PLCH2: variants seen among roughly 807,000 people sequenced by gnomAD.
PLCH2 encodes phospholipase C eta 2, also known as 1-phosphatidylinositol 4,5-bisphosphate phosphodiesterase eta-2.
Under a neutral mutation model 134.7 loss-of-function variants are expected in PLCH2, and 98 were observed. The ratio of observed to expected loss-of-function variants is 0.73; its 90% CI spans 0.62 to 0.86. The LOEUF (loss-of-function observed/expected upper bound fraction) is 0.86, where lower values mean the gene tolerates loss of function less well. Ranked by LOEUF, PLCH2 falls within the 40% of genes least tolerant of loss-of-function variation. The pLI, the probability that PLCH2 is intolerant of heterozygous loss-of-function variation, is 0.00. For missense variants in PLCH2, 1,994 were observed against 1,986.6 expected (o/e 1.00, Z -0.07); for synonymous variants, 974 against 827.5 (o/e 1.18, Z -3.04).
intron 11 of PLCH2, chr1:2,492,570 TC>T (rs1289813291): frequency 6.6e-6 from 1 of 151,848 alleles, no homozygotes; most frequent in Non-Finnish European, 1.5e-5. Context: ...GGAGCGGGAA[TC>T]CCCCCTGATG....
Position 2,504,161 on chromosome 1 carries a change from G to A in PLCH2, c.3199G>A (p.Ala1067Thr). ...GTGCAACGGCGAGGGCGCCGGCGGG[G>A]CATACGAGAGGGCCCCCGGCAGCCA... is the stretch of plus-strand genomic sequence containing the variant. Reference protein sequence around the residue: ...RPCNGEGAGGAYERAPGSQTD... With the variant: ...RPCNGEGAGGTYERAPGSQTD... Residue 1067 changes from alanine to threonine, a missense_variant, in exon 22 of 22, where the codon GCA (alanine) becomes ACA (threonine). Ala to Thr is a moderately conservative substitution (Grantham distance 58, BLOSUM62 0). This residue lies in a region of PLCH2 where 900 missense variants were observed against 752.3 expected (regional missense o/e 1.20). Coordinates refer to ENST00000378486, the MANE Select transcript of PLCH2 (RefSeq NM_014638.4). The A allele has an allele frequency of 6.5e-7, 1 of 1,528,120 alleles. No individual in the cohort carries two copies. The highest frequency in any genetic ancestry group is 2.4e-5 in the East Asian group (1 of 40,838). 94.7% of individuals were successfully genotyped at this position (1,528,120 alleles called of 1,614,324 possible).
At chr1:2,486,046 C>T (rs1642268361) in intron 5 of PLCH2, among the ~76,000 whole-genome samples, 1 of 152,176 alleles carries the variant, frequency 6.6e-6, no homozygotes, top group South Asian at 2.1e-4. Flanking sequence ...GTCTCGGATG[C>T]CCTGTGCCCT....
chr1:2,495,388 TG>T lies in PLCH2; in HGVS notation c.1753-96del, dbSNP rs2100713278. 7 of 997,038 alleles carry T rather than the reference TG, an allele frequency of 7.0e-6. No individual in the cohort carries two copies. The East Asian group carries it at 8.1e-5, about 12-fold the overall frequency. The allele number at this position is 997,038 out of a possible 1,614,324, so 61.8% of individuals were successfully genotyped here. On this transcript the variant is annotated intron_variant, in intron 12 of 21. Coordinates refer to ENST00000378486, the MANE Select transcript of PLCH2 (RefSeq NM_014638.4). ...GGACATGGGAGGCTGCGTGGGCCGC[TG>T]GGGACCCCGGAGGATAGGCCCTCCC...
At chr1:2,425,141 C>T (rs369045299), upstream of PLCH2, among the ~76,000 whole-genome samples, 1 of 131,986 alleles carries the variant, frequency 7.6e-6, no homozygotes, top group East Asian at 2.3e-4. Flanking sequence ...CCAGCCTAGG[C>T]GATAGAGTGT....
At chr1:2,452,762 C>T (rs1473339963) in intron 2 of PLCH2, among the ~76,000 whole-genome samples, 2 of 152,314 alleles carry the variant, frequency 1.3e-5, no homozygotes, top group South Asian at 2.1e-4. Context: ...AGCCTTGGTC[C>T]TGGGAGGGCC....
chr1:2,456,441 C>T (rs192526299), intron 2 of PLCH2, among the ~76,000 whole-genome samples: 167 of 152,348 alleles, frequency 1.1e-3, no homozygotes, highest in African/African-American at 3.9e-3. Context: ...ACTTAAATTG[C>T]CCCTTGCTCT....
chr1:2,491,252 A>C lies in PLCH2; in HGVS notation c.1576A>C (p.Lys526Gln). The C allele has an allele frequency of 6.2e-7, 1 of 1,613,278 alleles. No homozygotes were observed. Among genetic ancestry groups the C allele is most frequent in the Non-Finnish European group, 8.5e-7 (1 of 1,179,794 alleles). The change falls in exon 11 of 22, where the codon AAA (lysine) becomes CAA (glutamine). Residue 526 changes from lysine (K) to glutamine (Q), a missense_variant. Physicochemically the swap from Lys to Gln is moderately conservative, Grantham distance 53. Transcript: ENST00000378486. ...TAKRKLDSLI[K>Q]ESKIRDCEDP... ...TAAGAGGAAACTGGATTCCCTCATCAAAGAGTCGAAGATTCGGGACTGTGA... is the reference window on the plus strand; with the variant it reads ...TAAGAGGAAACTGGATTCCCTCATCCAAGAGTCGAAGATTCGGGACTGTGA...
chr1:2,436,473 TCC>T (rs1164768100), intron 2 of PLCH2, among the ~76,000 whole-genome samples: 1,037 of 33,568 alleles, frequency 0.031, 207 homozygotes, highest in African/African-American at 0.12. Context: ...CTTTCCTCCT[TCC>T]TCCCTCCTCC....
intron 20 of PLCH2, 85 bp downstream of exon 20, chr1:2,499,805 C>T: frequency 9.1e-7 from 1 of 1,097,906 alleles, no homozygotes; most frequent in Non-Finnish European, 1.4e-6. Context: ...GTCCCCAGTG[C>T]TGGGTCCTGA....
intron 2 of PLCH2, among the ~76,000 whole-genome samples, chr1:2,458,108 G>A (rs1346009895): frequency 6.6e-6 from 1 of 152,138 alleles, no homozygotes; most frequent in Non-Finnish European, 1.5e-5. Flanking sequence ...CGTCACTGTG[G>A]GCACCCAGGC....
chr1:2,477,180 C>T (rs1217070295), intron 1 of PLCH2, among the ~76,000 whole-genome samples: 7 of 152,084 alleles, frequency 4.6e-5, no homozygotes, highest in East Asian at 1.9e-4. Flanking sequence ...TGGAGGGCCC[C>T]GGTCCGGGCT....
Position 2,498,606 on chromosome 1 carries a change from CT to C in PLCH2, c.2310del (p.Lys772SerfsTer87). The C allele has an allele frequency of 6.3e-7, 1 of 1,592,114 alleles. No individual in the cohort carries two copies. The highest frequency in any genetic ancestry group is 8.5e-7 in the Non-Finnish European group (1 of 1,171,692). On this transcript the variant is annotated frameshift_variant, in exon 17 of 22. Transcript: ENST00000378486. LOFTEE classifies it high-confidence loss of function. This position sits in a 1 kb window ranked among gnomAD's most constrained non-coding sequence, Gnocchi z 5.4. ...LVLRIISGQQ[L>X]PKPRDSMLGD... Reference sequence around the variant, plus strand: ...GCTCCGGATCATCAGTGGCCAGCAGCTTCCCAAGCCGCGCGACTCCATGCTG... The same window carrying C: ...GCTCCGGATCATCAGTGGCCAGCAGCTCCCAAGCCGCGCGACTCCATGCTG...
intron 8 of PLCH2, 112 bp from the exon 9 acceptor site, chr1:2,489,095 G>A: frequency 1.0e-6 from 1 of 978,450 alleles, no homozygotes; most frequent in South Asian, 1.6e-5. Flanking sequence ...GGTTCCTGGT[G>A]AAGACCCCTC....
chr1:2,504,900 G>C lies in PLCH2; in HGVS notation c.3938G>C (p.Gly1313Ala), dbSNP rs768586914. Residue 1313 changes from glycine to alanine, a missense_variant, in exon 22 of 22, where the codon GGA (glycine) becomes GCA (alanine). Coordinates refer to ENST00000378486, the MANE Select transcript of PLCH2 (RefSeq NM_014638.4). ...LRWLTVFQQA[G>A]DITSPTSLGP... Reference sequence around the variant, plus strand: ...TGGCTCACTGTCTTCCAGCAGGCAGGAGACATCACGTCACCCACCAGCCTG... The same window carrying C: ...TGGCTCACTGTCTTCCAGCAGGCAGCAGACATCACGTCACCCACCAGCCTG... 6.3e-6 allele frequency: 10 copies of C among 1,584,398 alleles called. No homozygotes were observed. Among genetic ancestry groups the C allele is most frequent in the Non-Finnish European group, 8.6e-6 (10 of 1,164,714 alleles).
rs914437957 is a variant in PLCH2, at chr1:2,480,399, C to T, written c.645+87C>T. 3 of 1,470,452 alleles carry T rather than the reference C, an allele frequency of 2.0e-6. No homozygotes were observed. In the African/African-American group the frequency reaches 4.2e-5, roughly 21 times the overall value. The allele number at this position is 1,470,452 out of a possible 1,614,324, so 91.1% of individuals were successfully genotyped here. ...GTGGCTGGGAGCCTGCCAGCCCTGA[C>T]TGAGCTGGAGGGGACCCTGGCAGTG... On this transcript the variant is annotated intron_variant, in intron 4 of 21. Coordinates refer to ENST00000378486, the MANE Select transcript of PLCH2 (RefSeq NM_014638.4).
chr1:2,480,104 T>A, intron 3 of PLCH2, 79 bp from the exon 4 acceptor site: 1 of 1,589,846 alleles, frequency 6.3e-7, no homozygotes, highest in African/African-American at 1.3e-5. Context: ...GGTCCCCTAT[T>A]CCTTCCTCCC....
chr1:2,464,337 A>C (rs539301426), upstream of PLCH2, among the ~76,000 whole-genome samples: 1 of 152,302 alleles, frequency 6.6e-6, no homozygotes, highest in East Asian at 1.9e-4. Context: ...GTGCTCAAAC[A>C]CAGGGTCACC....
intron 2 of PLCH2, among the ~76,000 whole-genome samples, chr1:2,447,847 GTAT>G (rs1180251723): frequency 2.0e-5 from 3 of 152,206 alleles, no homozygotes; most frequent in African/African-American, 7.2e-5. Context: ...TACAGAGGAT[GTAT>G]TCCCTGAGGA....
Position 2,496,841 on chromosome 1 carries a change from G to T in PLCH2, c.1947G>T (p.Trp649Cys), listed in dbSNP as rs1357934740. 2 of 1,612,042 alleles carry T rather than the reference G, an allele frequency of 1.2e-6. No homozygotes were observed. Among genetic ancestry groups the T allele is most frequent in the Non-Finnish European group, 1.7e-6 (2 of 1,179,240 alleles). ...HDIEMEAASS[W>C]QVSSFSETKA... is the part of the protein sequence containing the mutation. The stretch of plus-strand genomic sequence containing the variant: ...CCGGCGCCACAGCGGCGTCCAGCTG[G>T]CAGGTGTCGTCCTTCAGCGAGACCA... The change falls in exon 15 of 22, where the codon TGG becomes TGT. Residue 649 changes from tryptophan to cysteine, a missense_variant. Physicochemically the swap from Trp to Cys is radical, Grantham distance 215. This residue lies in a region of PLCH2 where 1,094 missense variants were observed against 1,234.3 expected (regional missense o/e 0.89). Coordinates refer to ENST00000378486, the MANE Select transcript of PLCH2 (RefSeq NM_014638.4).
Sources: gnomAD v4.1 joint callset for allele counts (sites outside exome capture counted in the v4.1 genomes callset) on GRCh38, gnomAD v4.1.1 for gene constraint, gnomAD v4.1.1 regional missense constraint, Gnocchi (gnomAD v3.1) non-coding constraint, MANE v1.5 for transcripts, NCBI Gene and HGNC (gene_info 2026-07-23, HGNC 2026-07-21) for gene names.